MGAT4A: variants seen among roughly 807,000 people sequenced by gnomAD.
MGAT4A encodes alpha-1,3-mannosyl-glycoprotein 4-beta-N-acetylglucosaminyltransferase A, also known as N-acetylglucosaminyltransferase IVa.
MGAT4A carries 33 observed loss-of-function variants against 74.1 expected under a neutral mutation model. The observed-to-expected ratio is 0.45, with a 90% CI of 0.34 to 0.60. The LOEUF (loss-of-function observed/expected upper bound fraction) is 0.60. Among genes scored for constraint, MGAT4A ranks in the 20% least tolerant of loss-of-function variants. MGAT4A has a pLI of 0.02. For synonymous variants in MGAT4A, 198 were observed against 210.4 expected, an observed-to-expected ratio of 0.94 and a Z score of 0.51; for missense variants, 479 against 628.3, an observed-to-expected ratio of 0.76 and a Z score of 2.54.
chr2:98,667,302 C>T lies in MGAT4A; in HGVS notation c.404-4123G>A, dbSNP rs538798841. Among the ~76,000 whole-genome samples the T allele has an allele frequency of 7.9e-5, 12 of 152,162 alleles. No individual in the cohort carries two copies. The South Asian group carries it at 8.3e-4, about 11-fold the overall frequency. On this transcript the variant is annotated intron_variant, in intron 4 of 15. Transcript: ENST00000393487. The stretch of plus-strand genomic sequence containing the variant: ...TGGTACCAGGAGAGTGGGGCACTGC[C>T]GAAAAGATACCTGAAAACGTGGAAG...
At chr2:98,723,733 C>A (rs1004193484) in intron 2 of MGAT4A, among the ~76,000 whole-genome samples, 2 of 152,146 alleles carry the variant, frequency 1.3e-5, no homozygotes, top group Non-Finnish European at 2.9e-5. Context: ...CCCAGTGTTC[C>A]CCACTCTGCC....
In MGAT4A at chr2:98,630,517, G is replaced by C. The variant is rs144383433; in HGVS notation, c.1469-4682C>G. Among the ~76,000 whole-genome samples the C allele has an allele frequency of 4.9e-4, 74 of 152,184 alleles. 1 individual carries two copies. The highest frequency in any genetic ancestry group is 1.8e-3 in the African/African-American group (73 of 41,508). On this transcript the variant is annotated intron_variant, in intron 14 of 15. Transcript: ENST00000393487. Reference sequence around the variant, plus strand: ...AGGGGAAGAGAAGAGAAGCTATTAGGGACGGACAGCTGAATTGGCACATCT... The same window carrying C: ...AGGGGAAGAGAAGAGAAGCTATTAGCGACGGACAGCTGAATTGGCACATCT...
At chr2:98,675,918 A>G (rs1701972071) in intron 3 of MGAT4A, among the ~76,000 whole-genome samples, 2 of 152,148 alleles carry the variant, frequency 1.3e-5, no homozygotes, top group East Asian at 3.8e-4. Context: ...TTTTCTGAAA[A>G]CTTCAAGTAA....
chr2:98,643,889 A>C lies in MGAT4A; in HGVS notation c.1020+34T>G, dbSNP rs1329881658. The C allele has an allele frequency of 2.7e-6, 4 of 1,456,850 alleles. No homozygotes were observed. In the South Asian group the frequency reaches 6.1e-5, roughly 22 times the overall value. The allele number at this position is 1,456,850 out of a possible 1,614,324, so 90.2% of individuals were successfully genotyped here. A position where few individuals can be genotyped will look rare whatever the true frequency, so the allele number is the denominator to read the frequency against. ...GTCACTTTCACGAAATACAGAAGTG[A>C]AACTCCCTCCACTCTGGTGAGGAAT... is the stretch of plus-strand genomic sequence containing the variant. On this transcript the variant is annotated intron_variant, in intron 10 of 15. Coordinates refer to ENST00000393487, the MANE Select transcript of MGAT4A (RefSeq NM_012214.3).
At chr2:98,646,491 T>G (rs1204372592) in intron 8 of MGAT4A, among the ~76,000 whole-genome samples, 1 of 151,538 alleles carries the variant, frequency 6.6e-6, no homozygotes, top group Admixed American at 6.6e-5. Flanking sequence ...ATGGCTTGAG[T>G]TGCCCAGGAG....
At chr2:98,678,187 G>A (rs1249558669) in intron 3 of MGAT4A, 117 bp downstream of exon 3, 35 of 195,216 alleles carry the variant, frequency 1.8e-4, no homozygotes, top group African/African-American at 7.0e-4. Flanking sequence ...CCAAGATTGC[G>A]CCACTGCATT....
At chr2:98,645,600 G>T in intron 8 of MGAT4A, 58 bp from the exon 9 acceptor site, 1 of 1,207,498 alleles carries the variant, frequency 8.3e-7, no homozygotes, top group Non-Finnish European at 1.1e-6. Flanking sequence ...ATTGAGAGAA[G>T]GATATTATTA....
At chr2:98,720,658 T>C (rs1425676799) in intron 2 of MGAT4A, among the ~76,000 whole-genome samples, 1 of 152,056 alleles carries the variant, frequency 6.6e-6, no homozygotes, top group East Asian at 1.9e-4. Flanking sequence ...TCTGTTTCTC[T>C]GATGAACCCT....
chr2:98,710,410 A>C (rs991184855), intron 2 of MGAT4A, among the ~76,000 whole-genome samples: 1 of 152,218 alleles, frequency 6.6e-6, no homozygotes, highest in African/African-American at 2.4e-5. Flanking sequence ...AAAAGTTGAA[A>C]TGCAAAAATT....
rs115974162 is a variant in MGAT4A, at chr2:98,663,908, G to A, written c.404-729C>T. On this transcript the variant is annotated intron_variant, in intron 4 of 15. Coordinates refer to ENST00000393487, the MANE Select transcript of MGAT4A (RefSeq NM_012214.3). ...TGGTCATGTAGGGACACTGGGTAAGGGCATATGAAAACTTTGTGACCAGGC... is the reference window on the plus strand; with the variant it reads ...TGGTCATGTAGGGACACTGGGTAAGAGCATATGAAAACTTTGTGACCAGGC... Among the ~76,000 whole-genome samples the A allele has an allele frequency of 3.8e-3, 582 of 152,116 alleles. 5 individuals carry two copies. Among genetic ancestry groups the A allele is most frequent in the African/African-American group, 0.013 (546 of 41,500 alleles).
intron 6 of MGAT4A, among the ~76,000 whole-genome samples, chr2:98,657,377 T>C (rs1701674147): frequency 6.6e-6 from 1 of 152,144 alleles, no homozygotes; most frequent in Non-Finnish European, 1.5e-5. Flanking sequence ...CTGAGGTCAG[T>C]GGGAAAGGGG....
intron 2 of MGAT4A, among the ~76,000 whole-genome samples, chr2:98,715,357 A>G (rs945981255): frequency 6.6e-6 from 1 of 151,410 alleles, no homozygotes; most frequent in African/African-American, 2.4e-5. Flanking sequence ...GGGAGAAGAG[A>G]CATCTCTTCC....
intron 14 of MGAT4A, among the ~76,000 whole-genome samples, chr2:98,628,223 C>T (rs1701175193): frequency 6.6e-6 from 1 of 152,146 alleles, no homozygotes; most frequent in African/African-American, 2.4e-5. Context: ...GGCACTGATT[C>T]CAAGTAATAA....
chr2:98,674,998 A>C, intron 4 of MGAT4A, 37 bp downstream of exon 4: 1 of 1,594,914 alleles, frequency 6.3e-7, no homozygotes, highest in Non-Finnish European at 8.5e-7. Context: ...ATTTAACAGC[A>C]GTAGTACAAC....
At position 98,622,740 on chromosome 2, in the gene MGAT4A, C is replaced by T. The variant is rs182388979; in HGVS notation, c.*2826G>A. On this transcript the variant is annotated 3_prime_UTR_variant, in exon 16 of 16. Transcript: ENST00000393487. ...TGAGCAGTATGAGCTGCAGGCTCGC[C>T]TCAGGAACCTGAAATCTGGTCAGAG... 8.1e-6 allele frequency: 8 copies of T among 985,712 alleles called. No homozygotes were observed. Among genetic ancestry groups the T allele is most frequent in the Non-Finnish European group, 9.6e-6 (8 of 830,152 alleles). 61.1% of individuals were successfully genotyped at this position (985,712 alleles called of 1,614,324 possible). A position where few individuals can be genotyped will look rare whatever the true frequency, so the allele number is the denominator to read the frequency against.
chr2:98,697,275 C>T lies in MGAT4A; in HGVS notation c.95-18804G>A, dbSNP rs574975001. Reference sequence around the variant, plus strand: ...ACTTGGATAGGCCTCATGGGCGTCACGCAGAATAAAAAATTCCAATCTCTC... The same window carrying T: ...ACTTGGATAGGCCTCATGGGCGTCATGCAGAATAAAAAATTCCAATCTCTC... On this transcript the variant is annotated intron_variant, in intron 2 of 15. Transcript: ENST00000393487. Among the ~76,000 whole-genome samples the T allele has an allele frequency of 1.1e-4, 16 of 152,258 alleles. 1 individual carries two copies. The East Asian group carries it at 1.4e-3, about 13-fold the overall frequency.
At chr2:98,631,144 C>T (rs1408019886) in intron 14 of MGAT4A, among the ~76,000 whole-genome samples, 1 of 152,226 alleles carries the variant, frequency 6.6e-6, no homozygotes. Flanking sequence ...ATTTCTTCCA[C>T]AAGACCATTC....
At chr2:98,641,393 C>G (rs1416377446) in intron 10 of MGAT4A, among the ~76,000 whole-genome samples, 1 of 151,116 alleles carries the variant, frequency 6.6e-6, no homozygotes, top group Non-Finnish European at 1.5e-5. Flanking sequence ...CAGTGGCTCA[C>G]GCCTGTAATC....
chr2:98,703,530 C>A (rs1200826055), intron 2 of MGAT4A, among the ~76,000 whole-genome samples: 1 of 152,148 alleles, frequency 6.6e-6, no homozygotes, highest in Non-Finnish European at 1.5e-5. Flanking sequence ...ACTTCCTCAA[C>A]TGGATAAAGA....
Sources: allele counts gnomAD v4.1 joint callset (sites outside exome capture counted in the v4.1 genomes callset), GRCh38; gene constraint gnomAD v4.1.1; transcripts MANE v1.5; gene names NCBI Gene and HGNC (gene_info 2026-07-23, HGNC 2026-07-21).